The following ANK3 variants were observed in gnomAD, a reference collection of about 807,000 sequenced individuals.
ANK3 encodes ankyrin 3, also known as ankyrin-3.
Under a neutral mutation model 370.9 loss-of-function variants are expected in ANK3, and 57 were observed. That is an observed-to-expected ratio of 0.15 (90% CI 0.12 to 0.19). The LOEUF is 0.19. ANK3 is among the 10% of genes least tolerant of loss of function. The pLI is 1.00. For synonymous variants in ANK3, 1,929 were observed against 1,946.3 expected (o/e 0.99, Z 0.23); for missense variants, 4,439 against 5,302.1 (o/e 0.84, Z 5.06).
In ANK3 at chr10:60,068,693, G is replaced by A. The variant is rs1333307276; in HGVS notation, c.12188C>T (p.Pro4063Leu). The stretch of plus-strand genomic sequence containing the variant: ...GGCCTTTTCACTCTTTGATTTTAAA[G>A]GTGCTGCCTCTGTTTTCTTATCTCT... The part of the protein sequence containing the change: ...SARDKKTEAA[P>L]LKSKSEKAGS... Residue 4063 changes from proline (P) to leucine (L), a missense_variant, in exon 37 of 44, where the codon CCT becomes CTT. By Grantham distance (98) the Pro-to-Leu change is moderately conservative. Around this residue, in one of 13 missense-constraint regions of ANK3, gnomAD observed 99 missense variants for 150.7 expected, o/e 0.66. Transcript: ENST00000280772. 2 of 1,613,850 alleles carry A rather than the reference G, an allele frequency of 1.2e-6. No individual in the cohort carries two copies. Among genetic ancestry groups the A allele is most frequent in the South Asian group, 2.2e-5 (2 of 91,036 alleles).
chr10:60,283,811 T>C (rs1036638547), intron 1 of ANK3, among the ~76,000 whole-genome samples: 18 of 152,148 alleles, frequency 1.2e-4, no homozygotes, highest in African/African-American at 3.4e-4. Flanking sequence ...CAGTAATACT[T>C]CATACCTTTG....
chr10:60,453,274 C>A (rs1397891211), intron 2 of ANK3, among the ~76,000 whole-genome samples: 3 of 152,184 alleles, frequency 2.0e-5, no homozygotes, highest in Non-Finnish European at 2.9e-5. Flanking sequence ...CTGGCAAGTG[C>A]CAGCACAGAC....
intron 1 of ANK3, among the ~76,000 whole-genome samples, chr10:60,280,423 C>T (rs1276418218): frequency 1.3e-5 from 2 of 152,128 alleles, no homozygotes; most frequent in Non-Finnish European, 2.9e-5. Context: ...GATTTTCCTA[C>T]AGTACATAGC....
At chr10:60,625,426 T>C (rs1298138553) in intron 1 of ANK3, among the ~76,000 whole-genome samples, 2 of 152,180 alleles carry the variant, frequency 1.3e-5, no homozygotes, top group Non-Finnish European at 2.9e-5. Context: ...ATTTCTTTAT[T>C]TAGAAAGTAT....
At chr10:60,628,790 T>A (rs899208393) in intron 1 of ANK3, among the ~76,000 whole-genome samples, 3 of 152,228 alleles carry the variant, frequency 2.0e-5, no homozygotes, top group Non-Finnish European at 4.4e-5. Flanking sequence ...TGACTTGTTG[T>A]CATAACACTT....
At chr10:60,624,449 T>C (rs995874503) in intron 1 of ANK3, among the ~76,000 whole-genome samples, 2 of 152,186 alleles carry the variant, frequency 1.3e-5, no homozygotes, top group Admixed American at 6.5e-5. Context: ...AACTGGAAGC[T>C]TGGAGCTCTT....
intron 2 of ANK3, among the ~76,000 whole-genome samples, chr10:60,491,435 A>G (rs1326103676): frequency 1.3e-5 from 2 of 152,212 alleles, no homozygotes; most frequent in African/African-American, 4.8e-5. Flanking sequence ...TGCAAATCAT[A>G]ATAACATTTT....
Position 60,617,485 on chromosome 10 carries a change from G to A in ANK3, c.58-2261C>T, listed in dbSNP as rs184448948. ...GAGGCACACCTGAGCTCTGATGTCA[G>A]TTTTTGACACCTGGGCAAGTCTAGC... On this transcript the variant is annotated intron_variant, in intron 1 of 43. Transcript: ENST00000373827. Among the ~76,000 whole-genome samples, 24 of 152,272 alleles carry A rather than the reference G, an allele frequency of 1.6e-4. No individual in the cohort carries two copies. In the East Asian group the frequency reaches 4.2e-3, roughly 27 times the overall value.
intron 1 of ANK3, among the ~76,000 whole-genome samples, chr10:60,378,042 C>T (rs746188873): frequency 6.6e-5 from 10 of 152,076 alleles, no homozygotes; most frequent in Non-Finnish European, 1.3e-4. Context: ...GTAGTTTTTG[C>T]CAAGCCCCCT....
rs1056489892 is a variant in ANK3, at chr10:60,069,355, A to C, written c.11526T>G (p.Asp3842Glu). ...GCTGTTCTCCAAGAACTTTCTGCTT[A>C]TCTCTTACACAGTGTCCTTGTAGTA... Reference protein sequence around the residue: ...TGVLQGHCVRDKQKVLGEQQK... With the variant: ...TGVLQGHCVREKQKVLGEQQK... The change falls in exon 37 of 44, where the codon GAT becomes GAG. Residue 3842 changes from aspartate (D) to glutamate (E), a missense_variant. This residue lies in a region of ANK3 where 496 missense variants were observed against 529.3 expected (regional missense o/e 0.94). Transcript: ENST00000280772. 4.3e-6 allele frequency: 7 copies of C among 1,613,922 alleles called. No individual in the cohort carries two copies. The Middle Eastern group carries it at 9.9e-4, about 228-fold the overall frequency.
At chr10:60,571,671 T>C (rs2077603692) in intron 2 of ANK3, among the ~76,000 whole-genome samples, 2 of 152,214 alleles carry the variant, frequency 1.3e-5, no homozygotes, top group Admixed American at 1.3e-4. Flanking sequence ...TTTCCATTGG[T>C]GGCACACCCT....
At chr10:60,640,468 G>A (rs2078616758) in intron 1 of ANK3, among the ~76,000 whole-genome samples, 1 of 142,368 alleles carries the variant, frequency 7.0e-6, no homozygotes, top group South Asian at 2.6e-4. Flanking sequence ...TCCCTGGGAT[G>A]CAAGGCTAGT....
intron 42 of ANK3, among the ~76,000 whole-genome samples, chr10:60,054,601 C>A (rs1446843967): frequency 6.6e-6 from 1 of 152,130 alleles, no homozygotes; most frequent in Non-Finnish European, 1.5e-5. Flanking sequence ...ATATTGTCTG[C>A]AGAAGGGAAT....
intron 28 of ANK3, among the ~76,000 whole-genome samples, chr10:60,102,544 C>T (rs1167215049): frequency 6.6e-6 from 1 of 152,180 alleles, no homozygotes; most frequent in East Asian, 1.9e-4. Flanking sequence ...ATGATCCCAA[C>T]CACCACATTA....
intron 1 of ANK3, among the ~76,000 whole-genome samples, chr10:60,731,578 T>C (rs1001186587): frequency 4.6e-5 from 7 of 152,248 alleles, no homozygotes; most frequent in African/African-American, 1.4e-4. Flanking sequence ...GTAGCTGATT[T>C]GGAGATATTC....
intron 1 of ANK3, among the ~76,000 whole-genome samples, chr10:60,668,948 G>A (rs946628113): frequency 2.0e-5 from 3 of 151,950 alleles, no homozygotes; most frequent in South Asian, 2.1e-4. Context: ...AGCCAAGATC[G>A]CGCCACTGCA....
upstream of ANK3, among the ~76,000 whole-genome samples, chr10:60,394,275 T>C (rs2063170001): frequency 1.3e-5 from 2 of 151,482 alleles, no homozygotes; most frequent in African/African-American, 2.4e-5. Context: ...AAAACACACC[T>C]GGAAAATTTT....
intron 7 of ANK3, among the ~76,000 whole-genome samples, chr10:60,252,140 C>T (rs1296114319): frequency 6.6e-6 from 1 of 152,216 alleles, no homozygotes; most frequent in Non-Finnish European, 1.5e-5. Context: ...GACACCTGTG[C>T]AATCCTTCAG....
chr10:60,512,006 G>A (rs527555547), intron 2 of ANK3, among the ~76,000 whole-genome samples: 11 of 152,068 alleles, frequency 7.2e-5, no homozygotes, highest in African/African-American at 2.7e-4. Context: ...ACAGAGCACA[G>A]AGTGTCCTTC....
Sources: gnomAD v4.1 joint callset for allele counts (sites outside exome capture counted in the v4.1 genomes callset) on GRCh38, gnomAD v4.1.1 for gene constraint, gnomAD v4.1.1 regional missense constraint, MANE v1.5 for transcripts, NCBI Gene and HGNC (gene_info 2026-07-23, HGNC 2026-07-21) for gene names.